The following EYS variants were observed in gnomAD, a reference collection of about 807,000 sequenced individuals.
EYS encodes protein eyes shut homolog.
EYS carries 250 observed loss-of-function variants against 282.1 expected under a neutral mutation model. The observed-to-expected ratio is 0.89, with a 90% CI of 0.80 to 0.98. The LOEUF (loss-of-function observed/expected upper bound fraction) is 0.98. EYS is among the 50% of genes least tolerant of loss of function. The pLI, the probability that EYS is intolerant of heterozygous loss-of-function variation, is 0.00. For missense variants in EYS, 4,016 were observed against 3,709.0 expected, an observed-to-expected ratio of 1.08 and a Z score of -2.15; for synonymous variants, 1,355 against 1,282.9, an observed-to-expected ratio of 1.06 and a Z score of -1.20.
intron 31 of EYS, among the ~76,000 whole-genome samples, chr6:64,155,054 C>T (rs953057364): frequency 6.6e-6 from 1 of 152,094 alleles, no homozygotes; most frequent in Admixed American, 6.5e-5. Context: ...GTCCAAGGGG[C>T]AGGTCAGTAA....
chr6:64,561,353 G>C (rs924183209), intron 26 of EYS, among the ~76,000 whole-genome samples: 1 of 151,970 alleles, frequency 6.6e-6, no homozygotes, highest in Non-Finnish European at 1.5e-5. Flanking sequence ...AGAAATAAAG[G>C]GAATCCAAAT....
At chr6:65,670,198 T>C (rs772300013) in intron 1 of EYS, among the ~76,000 whole-genome samples, 2 of 151,224 alleles carry the variant, frequency 1.3e-5, no homozygotes, top group Non-Finnish European at 2.9e-5. Flanking sequence ...TTGAATGCTA[T>C]TTACTGTTCA....
intron 14 of EYS, among the ~76,000 whole-genome samples, chr6:64,980,051 C>T (rs745398938): frequency 6.6e-6 from 1 of 151,338 alleles, no homozygotes; most frequent in African/African-American, 2.4e-5. Context: ...AAGTGACATC[C>T]TTTTAGTCCT....
intron 14 of EYS, among the ~76,000 whole-genome samples, chr6:64,969,578 G>A (rs986602637): frequency 2.0e-4 from 31 of 152,130 alleles, no homozygotes; most frequent in Admixed American, 2.0e-4. Flanking sequence ...TCTAAGGACA[G>A]TAGAGCCCAA....
chr6:64,481,198 T>C (rs1776426787), intron 26 of EYS, among the ~76,000 whole-genome samples: 1 of 149,844 alleles, frequency 6.7e-6, no homozygotes. Flanking sequence ...AAAAATCATA[T>C]ATATGATATA....
intron 31 of EYS, among the ~76,000 whole-genome samples, chr6:64,129,248 A>C (rs1026393395): frequency 2.0e-5 from 3 of 152,154 alleles, no homozygotes; most frequent in African/African-American, 7.2e-5. Context: ...CAACAGTGTA[A>C]AAGTGTTCCT....
chr6:65,674,535 G>GATT (rs1159414255), intron 1 of EYS, among the ~76,000 whole-genome samples: 6 of 149,438 alleles, frequency 4.0e-5, no homozygotes, highest in African/African-American at 1.5e-4. Context: ...ACTAACACAG[G>GATT]ATTCCTCAGC....
chr6:65,277,435 A>AG (rs945390244), intron 12 of EYS, among the ~76,000 whole-genome samples: 5 of 83,406 alleles, frequency 6.0e-5, no homozygotes, highest in Non-Finnish European at 8.9e-5. Flanking sequence ...CCGTCAAAAA[A>AG]AAAAAAAGTT....
At chr6:64,917,774 A>G (rs1768211020) in intron 15 of EYS, among the ~76,000 whole-genome samples, 1 of 152,192 alleles carries the variant, frequency 6.6e-6, no homozygotes, top group Admixed American at 6.5e-5. Flanking sequence ...ATGTATGCAT[A>G]TATCAAAACA....
chr6:64,061,638 CAAA>C (rs1199232642), intron 33 of EYS, among the ~76,000 whole-genome samples: 1 of 152,100 alleles, frequency 6.6e-6, no homozygotes, highest in Non-Finnish European at 1.5e-5. Flanking sequence ...TAGCTAATAA[CAAA>C]AAATAAAGCC....
chr6:63,746,676 TCATC>T (rs1769217463), intron 41 of EYS, among the ~76,000 whole-genome samples: 1 of 152,220 alleles, frequency 6.6e-6, no homozygotes, highest in African/African-American at 2.4e-5. Context: ...GTCCAGGAAT[TCATC>T]CATTTCTTCT....
At chr6:63,911,235 T>G (rs1764243467) in intron 35 of EYS, among the ~76,000 whole-genome samples, 1 of 152,156 alleles carries the variant, frequency 6.6e-6, no homozygotes, top group Non-Finnish European at 1.5e-5. Flanking sequence ...AATAAAAATC[T>G]GAGGTCAACT....
At chr6:65,459,995 T>C (rs1384540084) in intron 5 of EYS, among the ~76,000 whole-genome samples, 1 of 134,038 alleles carries the variant, frequency 7.5e-6, no homozygotes, top group African/African-American at 2.9e-5. Flanking sequence ...TATATATATA[T>C]ATATATATAT....
chr6:64,814,919 T>G (rs185648718), intron 21 of EYS, among the ~76,000 whole-genome samples: 27 of 152,150 alleles, frequency 1.8e-4, no homozygotes, highest in Middle Eastern at 3.4e-3. Context: ...AATTGACACC[T>G]ATGCTTACAA....
At chr6:63,917,095 A>G (rs1764442303) in intron 35 of EYS, among the ~76,000 whole-genome samples, 1 of 152,236 alleles carries the variant, frequency 6.6e-6, no homozygotes, top group African/African-American at 2.4e-5. Flanking sequence ...TTGTGTTATG[A>G]AATTCCTTGG....
intron 29 of EYS, among the ~76,000 whole-genome samples, chr6:64,316,196 T>G (rs1769955573): frequency 6.6e-6 from 1 of 152,142 alleles, no homozygotes; most frequent in Admixed American, 6.5e-5. Flanking sequence ...CTATTCAATA[T>G]AGTATTGGAA....
intron 29 of EYS, among the ~76,000 whole-genome samples, chr6:64,342,318 A>G (rs1240699395): frequency 1.3e-5 from 2 of 151,852 alleles, no homozygotes; most frequent in African/African-American, 2.4e-5. Flanking sequence ...CCGGAGAGAA[A>G]GGTCGGGTTA....
intron 22 of EYS, among the ~76,000 whole-genome samples, chr6:64,795,553 TTGAACTTCTTCA>T (rs1230675652): frequency 2.0e-5 from 3 of 152,232 alleles, no homozygotes; most frequent in Non-Finnish European, 4.4e-5. Context: ...GACCAAAGTC[TTGAACTTCTTCA>T]TGATTAATCT....
chr6:65,130,139 A>G (rs1775830111), intron 12 of EYS, among the ~76,000 whole-genome samples: 1 of 151,844 alleles, frequency 6.6e-6, no homozygotes, highest in Admixed American at 6.6e-5. Context: ...AGGAAAAAAT[A>G]GACACTGGAG....
Sources: gnomAD v4.1 joint callset for allele counts (sites outside exome capture counted in the v4.1 genomes callset) on GRCh38, gnomAD v4.1.1 for gene constraint, MANE v1.5 for transcripts, NCBI Gene and HGNC (gene_info 2026-07-23, HGNC 2026-07-21) for gene names.